PCDH15: variants seen among roughly 807,000 people sequenced by gnomAD.
The protein encoded by PCDH15 is protocadherin-15.
Under a neutral mutation model 178.5 loss-of-function variants are expected in PCDH15, and 129 were observed. The ratio of observed to expected loss-of-function variants is 0.72; its 90% CI spans 0.63 to 0.84. The LOEUF (loss-of-function observed/expected upper bound fraction) is 0.84, where lower values mean the gene tolerates loss of function less well. Ranked by LOEUF, PCDH15 falls within the 40% of genes least tolerant of loss-of-function variation. The pLI, the probability that PCDH15 is intolerant of heterozygous loss-of-function variation, is 0.00. For synonymous variants in PCDH15, 800 were observed against 732.0 expected (o/e 1.09, Z -1.50); for missense variants, 2,230 against 2,099.9 (o/e 1.06, Z -1.21).
Position 53,832,177 on chromosome 10 carries a change from A to G in PCDH15, c.3984-644T>C, listed in dbSNP as rs1027007093. On this transcript the variant is annotated intron_variant, in intron 29 of 37. Transcript: ENST00000644397. ...AAAAAAAGACTAAATAAATGATGCG[A>G]GTAGTATATCAGTGTTGTAAGAATG... Among the ~76,000 whole-genome samples, 10 of 152,166 alleles carry G rather than the reference A, an allele frequency of 6.6e-5. No individual in the cohort carries two copies. In the South Asian group the frequency reaches 1.5e-3, roughly 22 times the overall value.
chr10:54,292,618 G>A (rs2059492929), intron 8 of PCDH15, among the ~76,000 whole-genome samples: 2 of 152,160 alleles, frequency 1.3e-5, no homozygotes, highest in African/African-American at 2.4e-5. Flanking sequence ...GGCAAATTCA[G>A]CAAAGTCTCA....
At chr10:55,198,452 T>TG (rs1840153267) in intron 1 of PCDH15, among the ~76,000 whole-genome samples, 1 of 152,126 alleles carries the variant, frequency 6.6e-6, no homozygotes, top group Non-Finnish European at 1.5e-5. Context: ...TGAGATCTGG[T>TG]GTTTAAAAGC....
chr10:54,346,351 A>C lies in PCDH15; in HGVS notation c.594+14T>G. On this transcript the variant is annotated intron_variant, in intron 6 of 37. Coordinates refer to ENST00000644397, the MANE Select transcript of PCDH15 (RefSeq NM_001384140.1). The stretch of plus-strand genomic sequence containing the variant: ...CTTTTAAGAAAATTACATTGCAAAT[A>C]GGTATTTACATACCGGATCATCTGG... The C allele has an allele frequency of 6.2e-7, 1 of 1,609,316 alleles. No individual in the cohort carries two copies.
At chr10:54,133,666 GA>G (rs1291324520) in intron 14 of PCDH15, among the ~76,000 whole-genome samples, 4 of 151,850 alleles carry the variant, frequency 2.6e-5, no homozygotes, top group Middle Eastern at 3.4e-3. Flanking sequence ...TCATTACAAG[GA>G]AAAAAAATTA....
At chr10:55,043,530 G>A (rs1282706762) in intron 2 of PCDH15, among the ~76,000 whole-genome samples, 1 of 151,822 alleles carries the variant, frequency 6.6e-6, no homozygotes, top group Non-Finnish European at 1.5e-5. Context: ...GCAACACAGT[G>A]AGATCCCGTC....
chr10:55,517,480 A>G (rs1017287659), intron 2 of PCDH15, among the ~76,000 whole-genome samples: 1 of 152,124 alleles, frequency 6.6e-6, no homozygotes, highest in African/African-American at 2.4e-5. Context: ...CTCATAGTTC[A>G]TTGTTCTACA....
At chr10:55,090,234 T>G (rs576234896) in intron 2 of PCDH15, among the ~76,000 whole-genome samples, 15 of 152,102 alleles carry the variant, frequency 9.9e-5, no homozygotes, top group Non-Finnish European at 2.2e-4. Flanking sequence ...AACTTTTAAA[T>G]TTTTATTAGT....
intron 25 of PCDH15, among the ~76,000 whole-genome samples, chr10:53,914,265 T>C (rs1400000092): frequency 6.6e-6 from 1 of 152,192 alleles, no homozygotes; most frequent in Non-Finnish European, 1.5e-5. Flanking sequence ...CATCACTGGA[T>C]ATATACCCAA....
At chr10:54,822,731 T>C (rs1953067096) in intron 3 of PCDH15, among the ~76,000 whole-genome samples, 1 of 152,096 alleles carries the variant, frequency 6.6e-6, no homozygotes, top group Non-Finnish European at 1.5e-5. Context: ...ATAGCAGCAG[T>C]ACTACTTTAC....
chr10:53,840,700 G>A (rs187561623), intron 28 of PCDH15, among the ~76,000 whole-genome samples: 4 of 152,050 alleles, frequency 2.6e-5, no homozygotes, highest in Non-Finnish European at 4.4e-5. Context: ...AGCTGAATAC[G>A]GTAGAAAAGG....
At chr10:55,422,460 G>T (rs781375330) in intron 2 of PCDH15, among the ~76,000 whole-genome samples, 1 of 151,940 alleles carries the variant, frequency 6.6e-6, no homozygotes, top group Middle Eastern at 3.4e-3. Context: ...ATGTCATATG[G>T]AACATTTTAG....
chr10:54,670,269 T>A (rs910502578), intron 1 of PCDH15, among the ~76,000 whole-genome samples: 1 of 152,148 alleles, frequency 6.6e-6, no homozygotes, highest in Non-Finnish European at 1.5e-5. Flanking sequence ...TCAACAGTTG[T>A]AAACATTAGA....
Position 53,888,691 on chromosome 10 carries a change from ATATATATATAT to A in PCDH15, c.3501+14541_3501+14551del, listed in dbSNP as rs1479433467. ...TATATATATATATATATATATATAT[ATATATATATAT>A]ATCTCCTGTGGAAATTGATAAGCTG... is the stretch of plus-strand genomic sequence containing the variant. On this transcript the variant is annotated intron_variant, in intron 26 of 37. Coordinates refer to ENST00000644397, the MANE Select transcript of PCDH15 (RefSeq NM_001384140.1). Among the ~76,000 whole-genome samples the A allele has an allele frequency of 6.0e-3, 317 of 52,880 alleles. 60 individuals are homozygous for A. In the Middle Eastern group the frequency reaches 0.074, roughly 12 times the overall value. 34.7% of individuals were successfully genotyped at this position (52,880 alleles called of 152,430 possible).
chr10:54,372,286 A>G (rs4639844), intron 4 of PCDH15, among the ~76,000 whole-genome samples: 22,056 of 151,650 alleles, frequency 0.15, 1,814 homozygotes, highest in Middle Eastern at 0.22. Flanking sequence ...ATCTTATCAA[A>G]TAGAGGATCA....
chr10:55,077,319 T>A (rs1841920806), intron 2 of PCDH15, among the ~76,000 whole-genome samples: 1 of 152,136 alleles, frequency 6.6e-6, no homozygotes, highest in South Asian at 2.1e-4. Flanking sequence ...AGTGTATTTG[T>A]CTGGTTGTTT....
intron 25 of PCDH15, among the ~76,000 whole-genome samples, chr10:53,913,720 G>C (rs1006090912): frequency 6.6e-6 from 1 of 150,602 alleles, no homozygotes; most frequent in African/African-American, 2.4e-5. Context: ...CTCCAGCCTG[G>C]ATGACAGAGC....
At chr10:54,717,664 G>T (rs1235284287) in intron 1 of PCDH15, among the ~76,000 whole-genome samples, 1 of 133,846 alleles carries the variant, frequency 7.5e-6, no homozygotes, top group African/African-American at 2.9e-5. Flanking sequence ...CTGTTGGTGG[G>T]ACTGTAAACT....
chr10:53,961,827 A>G lies in PCDH15; in HGVS notation c.2934T>C (p.Ile978=), dbSNP rs2134301828. 6.2e-7 allele frequency: 1 copy of G among 1,611,360 alleles called. No homozygotes were observed. The highest frequency in any genetic ancestry group is 1.3e-5 in the African/African-American group (1 of 74,978). Reference sequence around the variant, plus strand: ...TTCCAGAATCTTCTTCCACTTCAAAAATACTGGCAGGGTAAGGAAACTGTA... The same window carrying G: ...TTCCAGAATCTTCTTCCACTTCAAAGATACTGGCAGGGTAAGGAAACTGTA... The part of the protein sequence containing the change: ...DDVQFPYPAS[I]FEVEEDSGRV... Residue 978 remains isoleucine (I), a synonymous_variant, in exon 22 of 38, where the codon ATT becomes ATC. Transcript: ENST00000644397.
chr10:54,090,202 T>C, intron 15 of PCDH15, 139 bp from the exon 16 acceptor site: 5 of 693,858 alleles, frequency 7.2e-6, no homozygotes, highest in Non-Finnish European at 1.3e-5. Flanking sequence ...CATGGCCTAA[T>C]GGCAAGGTGT....
Sources: gnomAD v4.1 joint callset for allele counts (sites outside exome capture counted in the v4.1 genomes callset) on GRCh38, gnomAD v4.1.1 for gene constraint, MANE v1.5 for transcripts, NCBI Gene and HGNC (gene_info 2026-07-23, HGNC 2026-07-21) for gene names.